ANPEP: variants seen among roughly 807,000 people sequenced by gnomAD.
ANPEP encodes alanyl aminopeptidase, membrane.
ANPEP carries 70 observed loss-of-function variants against 114.6 expected under a neutral mutation model. The observed-to-expected ratio is 0.61, with a 90% CI of 0.50 to 0.75. The LOEUF is 0.75. ANPEP is among the 30% of genes least tolerant of loss of function. The pLI is 0.00. For missense variants in ANPEP, 1,184 were observed against 1,259.5 expected (o/e 0.94, Z 0.91); for synonymous variants, 548 against 522.3 (o/e 1.05, Z -0.67).
rs1205855512 is a variant in ANPEP, at chr15:89,785,359, T to C, written c.2894A>G (p.Asn965Ser). 2 of 1,614,168 alleles carry C rather than the reference T, an allele frequency of 1.2e-6. No homozygotes were observed. The highest frequency in any genetic ancestry group is 1.7e-6 in the Non-Finnish European group (2 of 1,180,006). ...KEVVLQWFTENSK is the reference protein window; with the variant it reads ...KEVVLQWFTESSK ...TTCAAGGGCTGGGGACTATTTGCTG[T>C]TTTCTGTGAACCACTGGAGCACCAC... The change falls in exon 21 of 21, where the codon AAC becomes AGC. Residue 965 changes from asparagine to serine, a missense_variant. Physicochemically the swap from Asn to Ser is conservative, Grantham distance 46. Coordinates refer to ENST00000300060, the MANE Select transcript of ANPEP (RefSeq NM_001150.3).
At position 89,803,333 on chromosome 15, in the gene ANPEP, A is replaced by G; in HGVS notation, c.1504-29T>C. 6.2e-7 allele frequency: 1 copy of G among 1,613,824 alleles called. No individual in the cohort carries two copies. Among genetic ancestry groups the G allele is most frequent in the Admixed American group, 1.7e-5 (1 of 60,024 alleles). On this transcript the variant is annotated intron_variant, in intron 9 of 20. Transcript: ENST00000300060. This position sits in a 1 kb window ranked among gnomAD's most constrained non-coding sequence, Gnocchi z 4.2. The stretch of plus-strand genomic sequence containing the variant: ...TGGAAAGACGGGGCACAGTGAGAGC[A>G]CAGCTGGAGCCCCCCAGGCTCCCCC...
chr15:89,800,557 T>A (rs1001595280), intron 12 of ANPEP, among the ~76,000 whole-genome samples: 1 of 106,742 alleles, frequency 9.4e-6, no homozygotes, highest in Non-Finnish European at 1.9e-5. Context: ...GATTCTCTCC[T>A]TTTTTTTTTT....
chr15:89,808,843 T>G (rs774500993), intron 1 of ANPEP, among the ~76,000 whole-genome samples: 1 of 152,200 alleles, frequency 6.6e-6, no homozygotes, highest in Non-Finnish European at 1.5e-5. Flanking sequence ...GACACGTGGA[T>G]TAGTTCAATC....
At position 89,805,384 on chromosome 15, in the gene ANPEP, C is replaced by T. The variant is rs375160446; in HGVS notation, c.694G>A (p.Glu232Lys). 1.7e-5 allele frequency: 27 copies of T among 1,614,062 alleles called. No individual in the cohort carries two copies. The highest frequency in any genetic ancestry group is 1.5e-4 in the South Asian group (14 of 91,094). Residue 232 changes from glutamate (E) to lysine (K), a missense_variant, in exon 3 of 21, where the codon GAG becomes AAG. Transcript: ENST00000300060. ...PCFDEPAMKA[E>K]FNITLIHPKD... ...GGGTGGATAAGCGTGATGTTGAACT[C>T]GGCCTTCATGGCCGGCTCATCGAAG... is the stretch of plus-strand genomic sequence containing the variant.
chr15:89,810,712 A>C (rs1251286968), intron 1 of ANPEP, among the ~76,000 whole-genome samples: 1 of 152,244 alleles, frequency 6.6e-6, no homozygotes, highest in Non-Finnish European at 1.5e-5. Context: ...AGCCCAATAC[A>C]TGTTGGCCAA....
chr15:89,790,379 G>T, intron 20 of ANPEP, 81 bp downstream of exon 20: 1 of 1,348,342 alleles, frequency 7.4e-7, no homozygotes, highest in Non-Finnish European at 1.1e-6. Context: ...CTCCCTCAGG[G>T]CCACGTGGGA....
intron 15 of ANPEP, among the ~76,000 whole-genome samples, chr15:89,797,257 C>T (rs867166121): frequency 2.6e-5 from 4 of 152,326 alleles, no homozygotes; most frequent in East Asian, 3.9e-4. Flanking sequence ...CTTCTGAAAG[C>T]GTTAATTCCC....
At chr15:89,813,565 G>T (rs1428714173) in intron 1 of ANPEP, among the ~76,000 whole-genome samples, 3 of 152,116 alleles carry the variant, frequency 2.0e-5, no homozygotes, top group Admixed American at 2.0e-4. Context: ...GTGGATGAGG[G>T]CCTCATGGGC....
At chr15:89,808,667 G>A (rs571640040) in intron 1 of ANPEP, among the ~76,000 whole-genome samples, 2 of 152,272 alleles carry the variant, frequency 1.3e-5, no homozygotes, top group African/African-American at 2.4e-5. Context: ...AGCATGGCAG[G>A]CAGGCCGGAC....
rs8192302 is a variant in ANPEP at position 89,790,323 on chromosome 15, C to A, written c.2751+137G>T. 6.5e-5 allele frequency: 44 copies of A among 681,138 alleles called. No individual in the cohort carries two copies. The East Asian group carries it at 9.0e-4, about 14-fold the overall frequency. 42.2% of individuals were successfully genotyped at this position (681,138 alleles called of 1,614,324 possible). On this transcript the variant is annotated intron_variant, in intron 20 of 20. Coordinates refer to ENST00000300060, the MANE Select transcript of ANPEP (RefSeq NM_001150.3). ...TCAACATTTCCAAAGTCTGGCTACT[C>A]GGCTTCCTCTGTAAATGAGGAAGGC...
At chr15:89,794,929 A>G (rs1349994977) in intron 15 of ANPEP, among the ~76,000 whole-genome samples, 2 of 152,166 alleles carry the variant, frequency 1.3e-5, no homozygotes, top group Non-Finnish European at 2.9e-5. Flanking sequence ...TTGGCCACCC[A>G]GTCACCTCGC....
At chr15:89,804,448 G>A in intron 5 of ANPEP, 41 bp from the exon 6 acceptor site, 1 of 1,614,084 alleles carries the variant, frequency 6.2e-7, no homozygotes, top group Non-Finnish European at 8.5e-7. Flanking sequence ...CTCCGGGAGT[G>A]GAGCTCCATC....
Position 89,803,388 on chromosome 15 carries a change from G to C in ANPEP, c.1503+54C>G, listed in dbSNP as rs1483097542. 1.2e-6 allele frequency: 2 copies of C among 1,612,988 alleles called. No individual in the cohort carries two copies. Among genetic ancestry groups the C allele is most frequent in the African/African-American group, 2.7e-5 (2 of 74,922 alleles). ...TGGTGGGCAGAGGCCCGGGTCAAGGGCGAGGGGCAGAAGGAGACCCACCCT... is the reference window on the plus strand; with the variant it reads ...TGGTGGGCAGAGGCCCGGGTCAAGGCCGAGGGGCAGAAGGAGACCCACCCT... On this transcript the variant is annotated intron_variant, in intron 9 of 20. Coordinates refer to ENST00000300060, the MANE Select transcript of ANPEP (RefSeq NM_001150.3). The surrounding 1 kb of genome is among the most constrained non-coding windows in gnomAD (Gnocchi z 4.2).
chr15:89,790,823 T>C (rs1968606855), intron 19 of ANPEP, 130 bp downstream of exon 19: 4 of 1,213,848 alleles, frequency 3.3e-6, no homozygotes, highest in Non-Finnish European at 4.6e-6. Flanking sequence ...TGCCCCACCC[T>C]AGCCCCCAGG....
chr15:89,804,963 T>A (rs1596169312), intron 4 of ANPEP, 115 bp downstream of exon 4: 1 of 1,424,498 alleles, frequency 7.0e-7, no homozygotes, highest in South Asian at 1.3e-5. Context: ...CACTCAGAGG[T>A]GGGATTCCAA....
At chr15:89,802,180 A>G (rs1363157039) in intron 10 of ANPEP, among the ~76,000 whole-genome samples, 1 of 152,152 alleles carries the variant, frequency 6.6e-6, no homozygotes, top group African/African-American at 2.4e-5. Context: ...ACGGGGCCAC[A>G]CAGAGGGCAG....
At position 89,801,102 on chromosome 15, in the gene ANPEP, C is replaced by A. The variant is rs375142618; in HGVS notation, c.1819+9G>T. 4.3e-6 allele frequency: 7 copies of A among 1,613,716 alleles called. No individual in the cohort carries two copies. The highest frequency in any genetic ancestry group is 5.9e-6 in the Non-Finnish European group (7 of 1,179,820). On this transcript the variant is annotated intron_variant, in intron 12 of 20. Coordinates refer to ENST00000300060, the MANE Select transcript of ANPEP (RefSeq NM_001150.3). ...GGGGGCTGCTGCCCATAAGGCAGGG[C>A]TGGATTACCTCTTACATCTATCAGC...
At position 89,803,253 on chromosome 15, in the gene ANPEP, C is replaced by T; in HGVS notation, c.1555G>A (p.Asp519Asn). 2 of 1,614,064 alleles carry T rather than the reference C, an allele frequency of 1.2e-6. No individual in the cohort carries two copies. The highest frequency in any genetic ancestry group is 1.1e-5 in the South Asian group (1 of 91,070). ...YQNTIYLNLW[D>N]HLQEAVNNRS... ...CTGCTACTGACCTCCTGCAGGTGGT[C>T]CCACAGGTTCAGGTAGATGGTGTTC... The change falls in exon 10 of 21, where the codon GAC (aspartate) becomes AAC (asparagine). Residue 519 changes from aspartate (D) to asparagine (N), a missense_variant. Transcript: ENST00000300060. The surrounding 1 kb of genome is among the most constrained non-coding windows in gnomAD (Gnocchi z 4.2).
chr15:89,795,044 A>G (rs925648158), intron 15 of ANPEP, among the ~76,000 whole-genome samples: 65 of 151,812 alleles, frequency 4.3e-4, no homozygotes, highest in African/African-American at 1.3e-3. Flanking sequence ...CTCCAACTTG[A>G]AAAGAGGCCA....
Sources: allele counts gnomAD v4.1 joint callset (sites outside exome capture counted in the v4.1 genomes callset), GRCh38; gene constraint gnomAD v4.1.1; non-coding constraint Gnocchi (gnomAD v3.1); transcripts MANE v1.5; gene names NCBI Gene and HGNC (gene_info 2026-07-23, HGNC 2026-07-21).